CAND2: variants seen among roughly 807,000 people sequenced by gnomAD.
CAND2 encodes cullin associated and neddylation dissociated 2 (putative), also known as cullin-associated NEDD8-dissociated protein 2.
Under a neutral mutation model 98.9 loss-of-function variants are expected in CAND2, and 62 were observed. The ratio of observed to expected loss-of-function variants is 0.63; its 90% CI spans 0.51 to 0.77. The LOEUF (loss-of-function observed/expected upper bound fraction) is 0.77, where lower values mean the gene tolerates loss of function less well. Among genes scored for constraint, CAND2 ranks in the 30% least tolerant of loss-of-function variants. CAND2 has a pLI of 0.00. For synonymous variants in CAND2, 770 were observed against 731.9 expected (o/e 1.05, Z -0.84); for missense variants, 1,501 against 1,655.2 (o/e 0.91, Z 1.62).
At chr3:12,831,635 T>C in intron 14 of CAND2, 63 bp downstream of exon 14, 2 of 854,064 alleles carry the variant, frequency 2.3e-6, no homozygotes, top group Non-Finnish European at 3.4e-6. Flanking sequence ...CGGCCAGTCG[T>C]TCAGTTACCC....
At position 12,825,637 on chromosome 3, in the gene CAND2, G is replaced by A; in HGVS notation, c.3208G>A (p.Glu1070Lys). ...AAAGATCCGGCGGGACCTCATCCGA[G>A]AGGTGTGGAGCAGAGCTGGGGACCC... ...ETKIRRDLIR[E>K]VEMGPFKHTV... The change falls in exon 12 of 15, where the codon GAG (glutamate) becomes AAG (lysine). Residue 1070 changes from glutamate (E) to lysine (K), a missense_variant and splice_region_variant. Physicochemically the swap from Glu to Lys is moderately conservative, Grantham distance 56. Coordinates refer to ENST00000456430, the MANE Select transcript of CAND2 (RefSeq NM_001162499.2). The A allele has an allele frequency of 6.3e-7, 1 of 1,597,928 alleles. No homozygotes were observed. Among genetic ancestry groups the A allele is most frequent in the Non-Finnish European group, 8.5e-7 (1 of 1,172,340 alleles).
intron 10 of CAND2, 134 bp from the exon 11 acceptor site, chr3:12,819,952 C>G: frequency 3.0e-6 from 2 of 677,346 alleles, no homozygotes; most frequent in South Asian, 3.6e-5. Flanking sequence ...GTAGAATCCA[C>G]TTTCCCAGAG....
rs566008594 is a variant in CAND2 at position 12,807,437 on chromosome 3, C to T, written c.344C>T (p.Ser115Leu). The change falls in exon 3 of 15, where the codon TCG becomes TTG. Residue 115 changes from serine (S) to leucine (L), a missense_variant. Around this residue, in one of 3 missense-constraint regions of CAND2, gnomAD observed 1,427 missense variants for 1,545.3 expected, o/e 0.92. Coordinates refer to ENST00000456430, the MANE Select transcript of CAND2 (RefSeq NM_001162499.2). ...GGCATTGGCCTCAAGACCGTCCTCTCGGAGCTCCCTCCTGCAGCCACAGGT... is the reference window on the plus strand; with the variant it reads ...GGCATTGGCCTCAAGACCGTCCTCTTGGAGCTCCCTCCTGCAGCCACAGGT... ...IAGIGLKTVL[S>L]ELPPAATGSG... The T allele has an allele frequency of 7.1e-6, 11 of 1,551,562 alleles. No individual in the cohort carries two copies. Among genetic ancestry groups the T allele is most frequent in the African/African-American group, 1.4e-5 (1 of 73,142 alleles).
intron 14 of CAND2, chr3:12,832,348 GAC>G (rs1164030420): frequency 2.6e-5 from 4 of 152,186 alleles, no homozygotes; most frequent in Non-Finnish European, 5.9e-5. Flanking sequence ...GGCCAGTTTT[GAC>G]AGTCTCTCAT....
chr3:12,812,221 C>CTTTTTT lies in CAND2; in HGVS notation c.758-755_758-750dup, dbSNP rs531439250. Among the ~76,000 whole-genome samples the CTTTTTT allele has an allele frequency of 5.1e-3, 380 of 74,476 alleles. 47 individuals carry two copies. The highest frequency in any genetic ancestry group is 0.021 in the African/African-American group (357 of 17,368). The allele number at this position is 74,476 out of a possible 152,430, so 48.9% of individuals were successfully genotyped here. A position where few individuals can be genotyped will look rare whatever the true frequency, so the allele number is the denominator to read the frequency against. On this transcript the variant is annotated intron_variant, in intron 5 of 14. Coordinates refer to ENST00000456430, the MANE Select transcript of CAND2 (RefSeq NM_001162499.2). ...ACCATGCCCGGCCTAAGCTGTTTAT[C>CTTTTTT]TTTTTTTTTTTTTTTTTTTGGAGAT...
At chr3:12,833,610 G>A (rs1293816226) in intron 14 of CAND2, 145 bp from the exon 15 acceptor site, 5 of 666,140 alleles carry the variant, frequency 7.5e-6, no homozygotes, top group South Asian at 5.6e-5. Context: ...AATAGCTGGT[G>A]AGACAGAAGC....
In CAND2 at chr3:12,834,330, T is replaced by G. The variant is rs189870967; in HGVS notation, c.*348T>G. 2 of 249,954 alleles carry G rather than the reference T, an allele frequency of 8.0e-6. No homozygotes were observed. Among genetic ancestry groups the G allele is most frequent in the Non-Finnish European group, 1.6e-5 (2 of 127,290 alleles). 15.5% of individuals were successfully genotyped at this position (249,954 alleles called of 1,614,324 possible). A position where few individuals can be genotyped will look rare whatever the true frequency, so the allele number is the denominator to read the frequency against. On this transcript the variant is annotated 3_prime_UTR_variant, in exon 15 of 15. Coordinates refer to ENST00000456430, the MANE Select transcript of CAND2 (RefSeq NM_001162499.2). ...CTCACAAACTAGTAGTATTTAGAAA[T>G]AGGCTGTGCTGTCAGCTGTAAAAGA...
chr3:12,796,929 C>G (rs1369476348), intron 1 of CAND2, 141 bp downstream of exon 1: 6 of 735,838 alleles, frequency 8.2e-6, no homozygotes, highest in Non-Finnish European at 1.4e-5. Context: ...AGCTGCCCCC[C>G]TCCCCACAGG....
At position 12,809,761 on chromosome 3, in the gene CAND2, C is replaced by T. The variant is rs147660465; in HGVS notation, c.492-298C>T. Among the ~76,000 whole-genome samples, 314 of 152,020 alleles carry T rather than the reference C, an allele frequency of 2.1e-3. 1 individual carries two copies. The highest frequency in any genetic ancestry group is 6.9e-3 in the African/African-American group (284 of 41,434). ...TGGTATTGAGGCAAGGCCTAGACTT[C>T]CAAGAAATAGGGACAGCCTTACTAG... On this transcript the variant is annotated intron_variant, in intron 4 of 14. Transcript: ENST00000456430.
At position 12,813,291 on chromosome 3, in the gene CAND2, C is replaced by G; in HGVS notation, c.909C>G (p.Leu303=). ...CTCACGTGCCCAACGTGACCAGCCT[C>G]TGCCTCCAATACATAAAACACGACC... The part of the protein sequence containing the change: ...MGPHVPNVTS[L]CLQYIKHDPN... Residue 303 remains leucine, a synonymous_variant, in exon 7 of 15, where the codon CTC becomes CTG. Coordinates refer to ENST00000456430, the MANE Select transcript of CAND2 (RefSeq NM_001162499.2). 1.2e-6 allele frequency: 2 copies of G among 1,614,086 alleles called. No individual in the cohort carries two copies. Among genetic ancestry groups the G allele is most frequent in the Non-Finnish European group, 1.7e-6 (2 of 1,180,042 alleles).
intron 13 of CAND2, among the ~76,000 whole-genome samples, chr3:12,829,670 A>G (rs1323722750): frequency 6.6e-6 from 1 of 152,180 alleles, no homozygotes; most frequent in Admixed American, 6.5e-5. Context: ...ACCCTCATTC[A>G]TTAGTCAGCC....
At chr3:12,825,334 A>G (rs2061990334) in intron 11 of CAND2, 136 bp from the exon 12 acceptor site, 2 of 768,450 alleles carry the variant, frequency 2.6e-6, no homozygotes, top group Non-Finnish European at 4.1e-6. Context: ...GGCACAAAGT[A>G]GATGCTCACC....
Position 12,820,210 on chromosome 3 carries a change from T to C in CAND2, c.3040+29T>C, listed in dbSNP as rs372994826. On this transcript the variant is annotated intron_variant, in intron 11 of 14. Transcript: ENST00000456430. The stretch of plus-strand genomic sequence containing the variant: ...AGCACCTACCTCTTGCCCCTCCACC[T>C]TGTTCAGTGCCCCCACCCAGTCCTT... The C allele has an allele frequency of 4.6e-6, 7 of 1,529,034 alleles. No homozygotes were observed. In the African/African-American group the frequency reaches 6.8e-5, roughly 15 times the overall value. The allele number at this position is 1,529,034 out of a possible 1,614,324, so 94.7% of individuals were successfully genotyped here.
intron 11 of CAND2, among the ~76,000 whole-genome samples, chr3:12,820,764 T>C (rs1395335141): frequency 6.6e-6 from 1 of 152,138 alleles, no homozygotes; most frequent in Non-Finnish European, 1.5e-5. Flanking sequence ...CCTCGCCCCT[T>C]CAGAGCTTGG....
chr3:12,815,045 A>G lies in CAND2; in HGVS notation c.1007-96A>G. On this transcript the variant is annotated intron_variant, in intron 7 of 14. Coordinates refer to ENST00000456430, the MANE Select transcript of CAND2 (RefSeq NM_001162499.2). The surrounding 1 kb of genome is among the most constrained non-coding windows in gnomAD (Gnocchi z 5.7). ...TGCTGATCATCAAAAAGTGAAGCAC[A>G]GTGCCCAGCTCTCTCTCCTCCCTGT... 3 of 1,256,198 alleles carry G rather than the reference A, an allele frequency of 2.4e-6. No homozygotes were observed. Among genetic ancestry groups the G allele is most frequent in the Non-Finnish European group, 2.2e-6 (2 of 894,960 alleles). 77.8% of individuals were successfully genotyped at this position (1,256,198 alleles called of 1,614,324 possible).
At chr3:12,828,461 CCAAGTAGCTGGGACTACAG>C (rs1017860860) in intron 13 of CAND2, among the ~76,000 whole-genome samples, 2 of 151,556 alleles carry the variant, frequency 1.3e-5, no homozygotes, top group Non-Finnish European at 2.9e-5. Context: ...CCTCAGCCTC[CCAAGTAGCTGGGACTACAG>C]GTGCCCACCA....
chr3:12,818,962 G>C (rs1456618412), intron 10 of CAND2, among the ~76,000 whole-genome samples: 3 of 152,174 alleles, frequency 2.0e-5, no homozygotes, highest in Non-Finnish European at 4.4e-5. Context: ...GTGCACTGTT[G>C]AACCAGCCAC....
Position 12,816,831 on chromosome 3 carries a change from G to C in CAND2, c.1899G>C (p.Ala633=), listed in dbSNP as rs1452941209. 1 of 1,613,752 alleles carries C rather than the reference G, an allele frequency of 6.2e-7. No homozygotes were observed. Among genetic ancestry groups the C allele is most frequent in the East Asian group, 2.2e-5 (1 of 44,880 alleles). ...NEITRLPAIK[A]LTLVAVSPLQ... ...TCACCCGGCTGCCCGCCATCAAGGC[G>C]CTTACGCTGGTGGCCGTATCCCCAC... The change falls in exon 10 of 15, where the codon GCG becomes GCC. Residue 633 remains alanine (A), a synonymous_variant. Transcript: ENST00000456430.
chr3:12,815,476 C>A lies in CAND2; in HGVS notation c.1299+43C>A. Reference sequence around the variant, plus strand: ...TCCACCCCTACCCCCGATTTGCCTACCCAGCCACTCACTGTTAGTGTCCCT... The same window carrying A: ...TCCACCCCTACCCCCGATTTGCCTAACCAGCCACTCACTGTTAGTGTCCCT... On this transcript the variant is annotated intron_variant, in intron 8 of 14. Coordinates refer to ENST00000456430, the MANE Select transcript of CAND2 (RefSeq NM_001162499.2). The surrounding 1 kb of genome is among the most constrained non-coding windows in gnomAD (Gnocchi z 5.7). The A allele has an allele frequency of 6.5e-7, 1 of 1,550,074 alleles. No individual in the cohort carries two copies.
Sources: allele counts gnomAD v4.1 joint callset (sites outside exome capture counted in the v4.1 genomes callset), GRCh38; gene constraint gnomAD v4.1.1; regional missense constraint gnomAD v4.1.1; non-coding constraint Gnocchi (gnomAD v3.1); transcripts MANE v1.5; gene names NCBI Gene and HGNC (gene_info 2026-07-23, HGNC 2026-07-21).